The following KIF5A variants were observed in gnomAD, a reference collection of about 807,000 sequenced individuals.
The protein encoded by KIF5A is kinesin heavy chain isoform 5A.
KIF5A carries 35 observed loss-of-function variants against 141.3 expected under a neutral mutation model. The ratio of observed to expected loss-of-function variants is 0.25; its 90% CI spans 0.19 to 0.33. The LOEUF (loss-of-function observed/expected upper bound fraction) is 0.33. Ranked by LOEUF, KIF5A falls within the 10% of genes least tolerant of loss-of-function variation. KIF5A has a pLI of 1.00. For synonymous variants in KIF5A, 448 were observed against 500.2 expected, an observed-to-expected ratio of 0.90 and a Z score of 1.39; for missense variants, 861 against 1,314.3, an observed-to-expected ratio of 0.66 and a Z score of 5.33.
At position 57,563,813 on chromosome 12, in the gene KIF5A, C is replaced by T. The variant is rs887657782; in HGVS notation, c.291+120C>T. ...TGGTCCAGAGGCAGATAGATGAGTACAGAGGATGAACTGAAGGGCAATATT... is the reference window on the plus strand; with the variant it reads ...TGGTCCAGAGGCAGATAGATGAGTATAGAGGATGAACTGAAGGGCAATATT... On this transcript the variant is annotated intron_variant, in intron 3 of 28. Coordinates refer to ENST00000455537, the MANE Select transcript of KIF5A (RefSeq NM_004984.4). The T allele has an allele frequency of 3.2e-6, 3 of 940,138 alleles. No individual in the cohort carries two copies. In the Admixed American group the frequency reaches 5.4e-5, roughly 17 times the overall value. 58.2% of individuals were successfully genotyped at this position (940,138 alleles called of 1,614,324 possible).
Position 57,584,336 on chromosome 12 carries a change from CT to C in KIF5A, c.*156del, listed in dbSNP as rs1476312864. 14 of 152,680 alleles carry C rather than the reference CT, an allele frequency of 9.2e-5. No individual in the cohort carries two copies. The highest frequency in any genetic ancestry group is 3.4e-4 in the African/African-American group (14 of 41,450). 9.5% of individuals were successfully genotyped at this position (152,680 alleles called of 1,614,324 possible). ...TATGTTTGATGTCTTCTCTTACTTACTCTGTATCTCTTTGTACTCTGTATCT... is the reference window on the plus strand; with the variant it reads ...TATGTTTGATGTCTTCTCTTACTTACCTGTATCTCTTTGTACTCTGTATCT... On this transcript the variant is annotated 3_prime_UTR_variant, in exon 29 of 29. Transcript: ENST00000455537.
chr12:57,557,421 T>C (rs751873826), intron 1 of KIF5A, among the ~76,000 whole-genome samples: 1 of 152,028 alleles, frequency 6.6e-6, no homozygotes, highest in Non-Finnish European at 1.5e-5. Flanking sequence ...AATAATGTAA[T>C]TACAACACTA....
At position 57,572,005 on chromosome 12, in the gene KIF5A, C is replaced by T. The variant is rs888903660; in HGVS notation, c.1363-56C>T. 3 of 1,489,288 alleles carry T rather than the reference C, an allele frequency of 2.0e-6. No homozygotes were observed. Among genetic ancestry groups the T allele is most frequent in the African/African-American group, 1.4e-5 (1 of 72,518 alleles). The allele number at this position is 1,489,288 out of a possible 1,614,324, so 92.3% of individuals were successfully genotyped here. A position where few individuals can be genotyped will look rare whatever the true frequency, so the allele number is the denominator to read the frequency against. ...GGGCTCAGCTTCCCAGACCCAAGGC[C>T]ATAGAAATGGTCACTGGCAGTGATC... On this transcript the variant is annotated intron_variant, in intron 13 of 28. Coordinates refer to ENST00000455537, the MANE Select transcript of KIF5A (RefSeq NM_004984.4). This position sits in a 1 kb window ranked among gnomAD's most constrained non-coding sequence, Gnocchi z 4.2.
intron 6 of KIF5A, among the ~76,000 whole-genome samples, chr12:57,566,412 G>GTT (rs1272872019): frequency 7.1e-6 from 1 of 140,866 alleles, no homozygotes; most frequent in Non-Finnish European, 1.6e-5. Flanking sequence ...CTGCGACAGT[G>GTT]TTTTTTTTTT....
chr12:57,571,483 G>T (rs1852891724), intron 13 of KIF5A, 94 bp downstream of exon 13: 2 of 1,290,294 alleles, frequency 1.6e-6, no homozygotes, highest in Admixed American at 1.9e-5. Flanking sequence ...ATGGAAGAAG[G>T]CGCTTTCTGC....
At chr12:57,583,928 T>G (rs1419603002) in intron 28 of KIF5A, among the ~76,000 whole-genome samples, 2 of 152,348 alleles carry the variant, frequency 1.3e-5, no homozygotes, top group Middle Eastern at 3.4e-3. Flanking sequence ...AGTCTCTTAC[T>G]GGGCTGCATC....
rs762824969 is a variant in KIF5A, at chr12:57,567,564, G to A, written c.660G>A (p.Thr220=). Residue 220 remains threonine, a synonymous_variant, in exon 8 of 29, where the codon ACG becomes ACA. Coordinates refer to ENST00000455537, the MANE Select transcript of KIF5A (RefSeq NM_004984.4). ...LINIKQENME[T]EQKLSGKLYL... is the part of the protein sequence containing the mutation. ...ACATCAAGCAGGAGAACATGGAAACGGAGCAGAAGCTCAGTGGGAAGCTGT... is the reference window on the plus strand; with the variant it reads ...ACATCAAGCAGGAGAACATGGAAACAGAGCAGAAGCTCAGTGGGAAGCTGT... 1.7e-5 allele frequency: 28 copies of A among 1,613,518 alleles called. No homozygotes were observed. The South Asian group carries it at 3.0e-4, about 17-fold the overall frequency.
Position 57,567,312 on chromosome 12 carries a change from C to G in KIF5A, c.589+99C>G. 3 of 1,252,918 alleles carry G rather than the reference C, an allele frequency of 2.4e-6. No individual in the cohort carries two copies. The East Asian group carries it at 7.0e-5, about 29-fold the overall frequency. The allele number at this position is 1,252,918 out of a possible 1,614,324, so 77.6% of individuals were successfully genotyped here. On this transcript the variant is annotated intron_variant, in intron 7 of 28. Transcript: ENST00000455537. ...CTCAAAAGTGAGCAAGGAAACTGTA[C>G]CCCCCAGAGGAGGAGGACCCCTTGT... is the stretch of plus-strand genomic sequence containing the variant.
chr12:57,581,337 C>T (rs1183241138), intron 24 of KIF5A, 78 bp from the exon 25 acceptor site: 1 of 1,592,238 alleles, frequency 6.3e-7, no homozygotes, highest in Non-Finnish European at 8.6e-7. Context: ...TCAGTTCAAC[C>T]CCAGCTAAAT....
rs1161973366 is a variant in KIF5A, at chr12:57,584,718, A to G, written c.*537A>G. The G allele has an allele frequency of 2.0e-5, 3 of 152,648 alleles. No homozygotes were observed. The highest frequency in any genetic ancestry group is 4.1e-4 in the South Asian group (2 of 4,832). 9.5% of individuals were successfully genotyped at this position (152,648 alleles called of 1,614,324 possible). ...ACTCTTCCTCCCTCCTCTTTCACAT[A>G]TAGCACAGGGGAAGGTAAAATGGAA... On this transcript the variant is annotated 3_prime_UTR_variant, in exon 29 of 29. Transcript: ENST00000455537.
chr12:57,556,600 G>A (rs1398416518), intron 1 of KIF5A, among the ~76,000 whole-genome samples: 1 of 151,498 alleles, frequency 6.6e-6, no homozygotes, highest in East Asian at 1.9e-4. Context: ...TAATGCGTCT[G>A]TGGAGCCTTC....
intron 1 of KIF5A, among the ~76,000 whole-genome samples, chr12:57,554,793 C>G (rs1217480573): frequency 6.6e-6 from 1 of 152,088 alleles, no homozygotes; most frequent in Non-Finnish European, 1.5e-5. Flanking sequence ...AGAGGGAGAG[C>G]AAGAGGTGCC....
intron 19 of KIF5A, 42 bp downstream of exon 19, chr12:57,576,420 G>A (rs1378967206): frequency 2.0e-6 from 3 of 1,470,394 alleles, no homozygotes; most frequent in African/African-American, 1.4e-5. Context: ...CCCGGGTCCT[G>A]TCACCTTGCT....
Position 57,580,910 on chromosome 12 carries a change from G to A in KIF5A, c.2539-46G>A, listed in dbSNP as rs1882575316. ...ACGCTCCTCTGGGTGACCGTCTTGG[G>A]TCACTTGCCTTCCTTTCCACTTCTT... On this transcript the variant is annotated intron_variant, in intron 23 of 28. Transcript: ENST00000455537. The A allele has an allele frequency of 5.6e-6, 9 of 1,593,272 alleles. No individual in the cohort carries two copies. The South Asian group carries it at 1.0e-4, about 18-fold the overall frequency.
At chr12:57,583,756 C>A (rs751616698) in intron 28 of KIF5A, among the ~76,000 whole-genome samples, 1 of 152,194 alleles carries the variant, frequency 6.6e-6, no homozygotes, top group African/African-American at 2.4e-5. Context: ...GTCAGCGCTC[C>A]CCTCCCATCT....
chr12:57,565,115 G>A, intron 6 of KIF5A, 142 bp downstream of exon 6: 1 of 770,484 alleles, frequency 1.3e-6, no homozygotes, highest in South Asian at 1.5e-5. Context: ...GAGAGTCTAG[G>A]GGATCAGAAA....
chr12:57,580,749 C>T (rs1034992671), intron 23 of KIF5A, among the ~76,000 whole-genome samples: 1 of 152,166 alleles, frequency 6.6e-6, no homozygotes, highest in Non-Finnish European at 1.5e-5. Flanking sequence ...ACCCACCCTT[C>T]GCTCTGGGAG....
At position 57,572,680 on chromosome 12, in the gene KIF5A, A is replaced by T; in HGVS notation, c.1670A>T (p.Asp557Val). ...IAEVLNGLMK[D>V]LSEFSVIVGN... ...GAGGTGCTGAACGGGCTGATGAAGGATCTGAGCGAGTTCAGTGTCATTGTG... is the reference window on the plus strand; with the variant it reads ...GAGGTGCTGAACGGGCTGATGAAGGTTCTGAGCGAGTTCAGTGTCATTGTG... The change falls in exon 15 of 29, where the codon GAT becomes GTT. Residue 557 changes from aspartate (D) to valine (V), a missense_variant. Transcript: ENST00000455537. The surrounding 1 kb of genome is among the most constrained non-coding windows in gnomAD (Gnocchi z 4.2). The T allele has an allele frequency of 6.2e-7, 1 of 1,614,240 alleles. No individual in the cohort carries two copies. Among genetic ancestry groups the T allele is most frequent in the Non-Finnish European group, 8.5e-7 (1 of 1,180,048 alleles).
rs1766575635 is a variant in KIF5A, at chr12:57,571,395, A to G, written c.1362+6A>G. On this transcript the variant is annotated splice_donor_region_variant and intron_variant, in intron 13 of 28. Coordinates refer to ENST00000455537, the MANE Select transcript of KIF5A (RefSeq NM_004984.4). ...AAATGCTGGACCAGGAAGAGGTAAT[A>G]GGAGGGAGGGCAGGACATGAGAGGA... 6.2e-7 allele frequency: 1 copy of G among 1,613,552 alleles called. No individual in the cohort carries two copies. The highest frequency in any genetic ancestry group is 8.5e-7 in the Non-Finnish European group (1 of 1,179,738).
Sources: gnomAD v4.1 joint callset for allele counts (sites outside exome capture counted in the v4.1 genomes callset) on GRCh38, gnomAD v4.1.1 for gene constraint, Gnocchi (gnomAD v3.1) non-coding constraint, MANE v1.5 for transcripts, NCBI Gene and HGNC (gene_info 2026-07-23, HGNC 2026-07-21) for gene names.